OSBPL6: variants seen among roughly 807,000 people sequenced by gnomAD.
OSBPL6 encodes oxysterol binding protein like 6, also known as oxysterol-binding protein-related protein 6.
OSBPL6 carries 49 observed loss-of-function variants against 125.8 expected under a neutral mutation model. The ratio of observed to expected loss-of-function variants is 0.39; its 90% CI spans 0.31 to 0.49. The LOEUF is 0.49. OSBPL6 is among the 20% of genes least tolerant of loss of function. The pLI is 0.88. For synonymous variants in OSBPL6, 394 were observed against 391.8 expected (o/e 1.01, Z -0.07); for missense variants, 986 against 1,135.4 (o/e 0.87, Z 1.89).
chr2:178,306,055 C>T lies in OSBPL6; in HGVS notation c.-130C>T. 4.9e-6 allele frequency: 3 copies of T among 617,196 alleles called. No individual in the cohort carries two copies. The highest frequency in any genetic ancestry group is 2.1e-5 in the South Asian group (1 of 47,350). 38.2% of individuals were successfully genotyped at this position (617,196 alleles called of 1,614,324 possible). A position where few individuals can be genotyped will look rare whatever the true frequency, so the allele number is the denominator to read the frequency against. On this transcript the variant is annotated 5_prime_UTR_variant, in exon 3 of 25. Coordinates refer to ENST00000190611, the MANE Select transcript of OSBPL6 (RefSeq NM_032523.4). The stretch of plus-strand genomic sequence containing the variant: ...GTGGTTTGGACACCCTCAATATTGC[C>T]TGCTCTTTTCTAGTCAAACCTGATT...
intron 1 of OSBPL6, among the ~76,000 whole-genome samples, chr2:178,283,576 T>G (rs1296390382): frequency 2.0e-5 from 3 of 146,984 alleles, no homozygotes; most frequent in African/African-American, 7.6e-5. Context: ...CACATTTTTC[T>G]CTTATCTTAT....
chr2:178,388,124 A>G (rs1695104018), intron 20 of OSBPL6, among the ~76,000 whole-genome samples: 1 of 152,220 alleles, frequency 6.6e-6, no homozygotes, highest in African/African-American at 2.4e-5. Context: ...TTGATGTAAC[A>G]TTTCATTTGA....
chr2:178,250,780 C>T (rs1196522472), intron 1 of OSBPL6, among the ~76,000 whole-genome samples: 1 of 152,100 alleles, frequency 6.6e-6, no homozygotes, highest in Admixed American at 6.5e-5. Context: ...TGTATTCTCA[C>T]AGATCCTGCT....
intron 1 of OSBPL6, among the ~76,000 whole-genome samples, chr2:178,202,679 G>A (rs769411802): frequency 5.9e-5 from 9 of 152,064 alleles, no homozygotes; most frequent in South Asian, 2.1e-4. Context: ...AAAATTGGCC[G>A]GGCGTGGTGG....
chr2:178,270,395 G>T (rs562531280), intron 1 of OSBPL6, among the ~76,000 whole-genome samples: 7 of 152,128 alleles, frequency 4.6e-5, no homozygotes, highest in African/African-American at 1.7e-4. Context: ...AGGCAGTGTT[G>T]TTTAATTCTC....
Position 178,205,422 on chromosome 2 carries a change from A to G in OSBPL6, c.-351+10748A>G, listed in dbSNP as rs543645046. 1.3e-4 allele frequency among the ~76,000 whole-genome samples: 20 copies of G among 152,324 alleles called. 1 individual carries two copies. In the South Asian group the frequency reaches 1.4e-3, roughly 11 times the overall value. The stretch of plus-strand genomic sequence containing the variant: ...TGATGACAGTGAGGAGTGATGGGGG[A>G]GAAAGAAGTCTTAGAATTCTACCTG... On this transcript the variant is annotated intron_variant, in intron 1 of 24. Coordinates refer to ENST00000190611, the MANE Select transcript of OSBPL6 (RefSeq NM_032523.4).
intron 1 of OSBPL6, among the ~76,000 whole-genome samples, chr2:178,240,078 T>C (rs1045299269): frequency 1.3e-5 from 2 of 152,184 alleles, no homozygotes; most frequent in Admixed American, 6.5e-5. Context: ...TTATTGCCTA[T>C]ACTTTTGAAG....
rs1696112854 is a variant in OSBPL6, at chr2:178,401,931, G to A, written c.*6372G>A. 6.6e-6 allele frequency: 1 copy of A among 152,086 alleles called. No individual in the cohort carries two copies. The highest frequency in any genetic ancestry group is 1.5e-5 in the Non-Finnish European group (1 of 68,128). The allele number at this position is 152,086 out of a possible 1,614,324, so 9.4% of individuals were successfully genotyped here. On this transcript the variant is annotated 3_prime_UTR_variant, in exon 25 of 25. Transcript: ENST00000190611. ...GTTTTTTTTCATGTGACACTCAGTAGGAAAGTCTAGTTCAAGAACCGGAAA... is the reference window on the plus strand; with the variant it reads ...GTTTTTTTTCATGTGACACTCAGTAAGAAAGTCTAGTTCAAGAACCGGAAA...
rs74607120 is a variant in OSBPL6, at chr2:178,267,367, A to C, written c.-350-17560A>C. Among the ~76,000 whole-genome samples, 6 of 144,068 alleles carry C rather than the reference A, an allele frequency of 4.2e-5. No individual in the cohort carries two copies. The South Asian group carries it at 6.6e-4, about 16-fold the overall frequency. 94.5% of individuals were successfully genotyped at this position (144,068 alleles called of 152,430 possible). On this transcript the variant is annotated intron_variant, in intron 1 of 24. Coordinates refer to ENST00000190611, the MANE Select transcript of OSBPL6 (RefSeq NM_032523.4). ...AAACTCCATCTCAAAAAAAAAAAAAAAAAAAAAACAAAACAAGGTTTATCA... is the reference window on the plus strand; with the variant it reads ...AAACTCCATCTCAAAAAAAAAAAAACAAAAAAAACAAAACAAGGTTTATCA...
chr2:178,292,954 T>C (rs1460305027), intron 2 of OSBPL6, among the ~76,000 whole-genome samples: 1 of 152,066 alleles, frequency 6.6e-6, no homozygotes, highest in Admixed American at 6.6e-5. Flanking sequence ...CTGTAGAGTT[T>C]ATTTAAACAA....
At chr2:178,365,886 T>C (rs1235313057) in intron 13 of OSBPL6, among the ~76,000 whole-genome samples, 1 of 152,010 alleles carries the variant, frequency 6.6e-6, no homozygotes, top group Non-Finnish European at 1.5e-5. Flanking sequence ...ATTTCATATC[T>C]TTTTTTGTTT....
chr2:178,384,521 C>T (rs1694762760), intron 18 of OSBPL6, among the ~76,000 whole-genome samples: 1 of 152,124 alleles, frequency 6.6e-6, no homozygotes, highest in Admixed American at 6.5e-5. Flanking sequence ...ACTTCCAGGT[C>T]ATAGGTAGAT....
chr2:178,283,446 G>C (rs1684406580), intron 1 of OSBPL6, among the ~76,000 whole-genome samples: 1 of 152,050 alleles, frequency 6.6e-6, no homozygotes, highest in Admixed American at 6.5e-5. Flanking sequence ...GTCAAACCCA[G>C]GGAGTGATTT....
In OSBPL6 at chr2:178,228,215, T is replaced by C. The variant is rs376182482; in HGVS notation, c.-351+33541T>C. On this transcript the variant is annotated intron_variant, in intron 1 of 24. Coordinates refer to ENST00000190611, the MANE Select transcript of OSBPL6 (RefSeq NM_032523.4). The stretch of plus-strand genomic sequence containing the variant: ...ATCTCTTCCACTTTCTCTCATTCAT[T>C]TAATAGTTTAGTTATCATCCAATAA... Among the ~76,000 whole-genome samples the C allele has an allele frequency of 3.3e-5, 5 of 152,206 alleles. No individual in the cohort carries two copies. The East Asian group carries it at 9.6e-4, about 29-fold the overall frequency.
intron 11 of OSBPL6, among the ~76,000 whole-genome samples, chr2:178,345,351 T>C (rs1690598016): frequency 1.3e-5 from 2 of 152,202 alleles, no homozygotes; most frequent in African/African-American, 4.8e-5. Context: ...GATGCTGGTA[T>C]GAGGATGGGT....
At chr2:178,301,963 C>T (rs181449199) in intron 2 of OSBPL6, among the ~76,000 whole-genome samples, 24 of 152,260 alleles carry the variant, frequency 1.6e-4, no homozygotes, top group Admixed American at 1.6e-3. Flanking sequence ...ATTTATCAGC[C>T]TTCAGGACTG....
At chr2:178,393,277 A>C (rs1695574129) in intron 23 of OSBPL6, among the ~76,000 whole-genome samples, 2 of 152,246 alleles carry the variant, frequency 1.3e-5, no homozygotes, top group Non-Finnish European at 2.9e-5. Flanking sequence ...TTTGAGTGCA[A>C]GTCTGCAATT....
chr2:178,377,083 A>G (rs998923604), intron 15 of OSBPL6, among the ~76,000 whole-genome samples: 5 of 152,200 alleles, frequency 3.3e-5, no homozygotes, highest in Admixed American at 3.3e-4. Flanking sequence ...AAGTTCCCTT[A>G]TGTATAAGAG....
intron 1 of OSBPL6, among the ~76,000 whole-genome samples, chr2:178,220,985 T>A (rs2090315146): frequency 6.6e-6 from 1 of 152,192 alleles, no homozygotes; most frequent in Admixed American, 6.5e-5. Context: ...CTGTGTCCAT[T>A]AAGCCAGGAT....
Sources: gnomAD v4.1 joint callset for allele counts (sites outside exome capture counted in the v4.1 genomes callset) on GRCh38, gnomAD v4.1.1 for gene constraint, MANE v1.5 for transcripts, NCBI Gene and HGNC (gene_info 2026-07-23, HGNC 2026-07-21) for gene names.